PPM1H: variants seen among roughly 807,000 people sequenced by gnomAD.
The protein encoded by PPM1H is protein phosphatase 1H.
A neutral mutation model predicts 54.9 loss-of-function variants in PPM1H; 27 were observed. The observed-to-expected ratio is 0.49, with a 90% CI of 0.36 to 0.68. The LOEUF (loss-of-function observed/expected upper bound fraction) is 0.68. Ranked by LOEUF, PPM1H falls within the 30% of genes least tolerant of loss-of-function variation. The pLI is 0.00. For synonymous variants in PPM1H, 305 were observed against 270.8 expected, an observed-to-expected ratio of 1.13 and a Z score of -1.24; for missense variants, 596 against 667.8, an observed-to-expected ratio of 0.89 and a Z score of 1.19.
chr12:62,710,170 C>T (rs2076199167), intron 6 of PPM1H, among the ~76,000 whole-genome samples: 1 of 152,098 alleles, frequency 6.6e-6, no homozygotes, highest in South Asian at 2.1e-4. Flanking sequence ...CATGCTTTAA[C>T]CACAGATGGG....
At chr12:62,680,645 C>A (rs946497272) in intron 8 of PPM1H, among the ~76,000 whole-genome samples, 4 of 152,188 alleles carry the variant, frequency 2.6e-5, no homozygotes, top group Admixed American at 6.5e-5. Flanking sequence ...ACTTCCAGCC[C>A]AGACAGGTCT....
rs1236227688 is a variant in PPM1H, at chr12:62,928,509, T to TCCCACC, written c.245+5982_245+5983insGGTGGG. 3.3e-5 allele frequency among the ~76,000 whole-genome samples: 5 copies of TCCCACC among 152,114 alleles called. No homozygotes were observed. In the East Asian group the frequency reaches 9.6e-4, roughly 29 times the overall value. ...AGATAAGTCAGAATGAAAATCACAGTTAAATAACTGCAGTCCCACCTACTC... is the reference window on the plus strand; with the variant it reads ...AGATAAGTCAGAATGAAAATCACAGTCCCACCTAAATAACTGCAGTCCCACCTACTC... On this transcript the variant is annotated intron_variant, in intron 1 of 9. Transcript: ENST00000228705.
chr12:62,934,984 G>T lies in PPM1H; in HGVS notation c.-248C>A. ...GCAACGGAGCTGCATGGAGCGGGCC[G>T]ACCGGGGGAGTCACCGCGCGCTCCA... On this transcript the variant is annotated 5_prime_UTR_variant, in exon 1 of 10. Coordinates refer to ENST00000228705, the MANE Select transcript of PPM1H (RefSeq NM_020700.2). The surrounding 1 kb of genome is among the most constrained non-coding windows in gnomAD (Gnocchi z 4.2). 4.0e-6 allele frequency: 1 copy of T among 249,470 alleles called. No homozygotes were observed. The highest frequency in any genetic ancestry group is 7.4e-6 in the Non-Finnish European group (1 of 134,524). The allele number at this position is 249,470 out of a possible 1,614,324, so 15.5% of individuals were successfully genotyped here.
intron 4 of PPM1H, among the ~76,000 whole-genome samples, chr12:62,744,292 G>A (rs560795860): frequency 6.6e-6 from 1 of 151,952 alleles, no homozygotes; most frequent in South Asian, 2.1e-4. Context: ...CCAACATGGT[G>A]AAAACCTGTC....
intron 8 of PPM1H, among the ~76,000 whole-genome samples, chr12:62,677,943 T>C (rs985605855): frequency 6.6e-6 from 1 of 152,208 alleles, no homozygotes; most frequent in Non-Finnish European, 1.5e-5. Context: ...GATTTGCAGT[T>C]TTTCTTTTTC....
chr12:62,717,916 G>A (rs1408978561), intron 6 of PPM1H, among the ~76,000 whole-genome samples: 1 of 151,856 alleles, frequency 6.6e-6, no homozygotes, highest in East Asian at 1.9e-4. Context: ...CTGCAACAAA[G>A]ATACTTTTCC....
intron 3 of PPM1H, among the ~76,000 whole-genome samples, chr12:62,798,347 C>T (rs1271446514): frequency 1.3e-5 from 2 of 152,192 alleles, no homozygotes; most frequent in African/African-American, 2.4e-5. Flanking sequence ...AGAGTAGCTA[C>T]CTGTGGAGAT....
At chr12:62,927,662 CAA>C (rs57622502) in intron 1 of PPM1H, among the ~76,000 whole-genome samples, 4 of 75,908 alleles carry the variant, frequency 5.3e-5, no homozygotes, top group Non-Finnish European at 5.5e-5. Context: ...AACTCCGTCT[CAA>C]AAAAAAAAAA....
At chr12:62,650,510 T>C (rs1418703559) in intron 9 of PPM1H, among the ~76,000 whole-genome samples, 1 of 152,106 alleles carries the variant, frequency 6.6e-6, no homozygotes, top group Admixed American at 6.5e-5. Flanking sequence ...AAAATCGACA[T>C]ATTGCAGCTC....
chr12:62,763,326 TGGCC>T (rs2076521538), intron 4 of PPM1H, among the ~76,000 whole-genome samples: 1 of 152,164 alleles, frequency 6.6e-6, no homozygotes, highest in African/African-American at 2.4e-5. Context: ...CTATAAACCA[TGGCC>T]ATCAACCGCA....
chr12:62,846,037 C>T (rs1868953853), intron 1 of PPM1H, among the ~76,000 whole-genome samples: 1 of 152,182 alleles, frequency 6.6e-6, no homozygotes, highest in South Asian at 2.1e-4. Flanking sequence ...CTTGTCCAGG[C>T]CCTTGTCACA....
intron 2 of PPM1H, among the ~76,000 whole-genome samples, chr12:62,803,116 T>C (rs1474362706): frequency 6.6e-6 from 1 of 152,204 alleles, no homozygotes; most frequent in Non-Finnish European, 1.5e-5. Context: ...CCTCACAAGA[T>C]GCAGCCAATT....
intron 3 of PPM1H, among the ~76,000 whole-genome samples, chr12:62,801,108 C>T (rs557115931): frequency 1.3e-5 from 2 of 152,370 alleles, no homozygotes; most frequent in East Asian, 3.8e-4. Flanking sequence ...TAGATCACAT[C>T]TGTATAGGAT....
At chr12:62,862,204 G>A (rs907962131) in intron 1 of PPM1H, among the ~76,000 whole-genome samples, 1 of 152,184 alleles carries the variant, frequency 6.6e-6, no homozygotes, top group African/African-American at 2.4e-5. Flanking sequence ...GAATCCACTG[G>A]AAAGTAGGAA....
chr12:62,918,852 T>C (rs1871703552), intron 1 of PPM1H, among the ~76,000 whole-genome samples: 1 of 152,214 alleles, frequency 6.6e-6, no homozygotes, highest in Non-Finnish European at 1.5e-5. Context: ...ATTATCGCAG[T>C]TGGAAAATAG....
intron 5 of PPM1H, among the ~76,000 whole-genome samples, chr12:62,733,470 G>C (rs1348733022): frequency 6.6e-6 from 1 of 152,084 alleles, no homozygotes; most frequent in Admixed American, 6.6e-5. Context: ...TGTTGGCCAG[G>C]CTGGTCTCGA....
chr12:62,787,912 T>C (rs561512906), intron 4 of PPM1H, among the ~76,000 whole-genome samples: 2 of 152,284 alleles, frequency 1.3e-5, no homozygotes, highest in South Asian at 4.1e-4. Context: ...GGCACTCGAA[T>C]CCCTTTCCTT....
intron 6 of PPM1H, among the ~76,000 whole-genome samples, chr12:62,709,962 C>T (rs866630620): frequency 6.6e-4 from 101 of 152,002 alleles, no homozygotes; most frequent in African/African-American, 2.2e-3. Context: ...CCCAGCTACT[C>T]GGGAGGCCGA....
At chr12:62,684,387 C>T (rs1220361290) in intron 8 of PPM1H, among the ~76,000 whole-genome samples, 2 of 152,192 alleles carry the variant, frequency 1.3e-5, no homozygotes, top group Non-Finnish European at 1.5e-5. Flanking sequence ...GAGATTTTTC[C>T]AGCGCCTTGT....
Sources: allele counts gnomAD v4.1 joint callset (sites outside exome capture counted in the v4.1 genomes callset), GRCh38; gene constraint gnomAD v4.1.1; non-coding constraint Gnocchi (gnomAD v3.1); transcripts MANE v1.5; gene names NCBI Gene and HGNC (gene_info 2026-07-23, HGNC 2026-07-21).